Variants in MBNL1 observed in about 807,000 individuals in gnomAD.
MBNL1 encodes muscleblind-like protein 1.
A neutral mutation model predicts 42.2 loss-of-function variants in MBNL1; 8 were observed. The ratio of observed to expected loss-of-function variants is 0.19; its 90% CI spans 0.11 to 0.34. The LOEUF (loss-of-function observed/expected upper bound fraction) is 0.34. Among genes scored for constraint, MBNL1 ranks in the 10% least tolerant of loss-of-function variants. The probability of loss-of-function intolerance (pLI) is 1.00; values close to 1 mark genes in which losing one functional copy is unlikely to be tolerated. For synonymous variants in MBNL1, 169 were observed against 173.9 expected, an observed-to-expected ratio of 0.97 and a Z score of 0.22; for missense variants, 309 against 495.3, an observed-to-expected ratio of 0.62 and a Z score of 3.57.
intron 2 of MBNL1, among the ~76,000 whole-genome samples, chr3:152,362,368 A>G (rs1045125965): frequency 2.6e-5 from 4 of 152,220 alleles, no homozygotes; most frequent in African/African-American, 9.6e-5. Context: ...GTCAAAAGTC[A>G]TATGATGTAG....
At chr3:152,373,065 A>G (rs1259801966) in intron 2 of MBNL1, among the ~76,000 whole-genome samples, 1 of 152,120 alleles carries the variant, frequency 6.6e-6, no homozygotes, top group Non-Finnish European at 1.5e-5. Flanking sequence ...GGCTCTGCCC[A>G]ATTCGAACTT....
chr3:152,456,432 C>T (rs1373569100), intron 8 of MBNL1, 71 bp downstream of exon 8: 7 of 1,242,750 alleles, frequency 5.6e-6, no homozygotes, highest in East Asian at 2.3e-5. Context: ...CCCTTACGCA[C>T]GTGGATTTCC....
At chr3:152,294,214 GA>G (rs2057477359) in intron 1 of MBNL1, among the ~76,000 whole-genome samples, 1 of 151,380 alleles carries the variant, frequency 6.6e-6, no homozygotes, top group Non-Finnish European at 1.5e-5. Flanking sequence ...ATAGCGTTTG[GA>G]ATGTGATCAG....
At chr3:152,272,162 T>C (rs2042314977) in intron 1 of MBNL1, among the ~76,000 whole-genome samples, 1 of 152,056 alleles carries the variant, frequency 6.6e-6, no homozygotes, top group African/African-American at 2.4e-5. Context: ...AACAATATTC[T>C]GGGAGAAAGC....
intron 2 of MBNL1, among the ~76,000 whole-genome samples, chr3:152,379,568 C>T (rs1321518720): frequency 1.3e-5 from 2 of 152,106 alleles, no homozygotes; most frequent in East Asian, 3.8e-4. Context: ...TGTCACTACA[C>T]GTTCTTATAA....
rs549752228 is a variant in MBNL1, at chr3:152,450,522, G to A, written c.961+2749G>A. ...CAAGTGAAGCAAGAATAAATTGGGA[G>A]CTGTGGGGTCTGGGAGGCACAGGGG... On this transcript the variant is annotated intron_variant, in intron 6 of 9. Coordinates refer to ENST00000324210, the MANE Select transcript of MBNL1 (RefSeq NM_021038.5). 2.6e-5 allele frequency among the ~76,000 whole-genome samples: 4 copies of A among 152,320 alleles called. No individual in the cohort carries two copies. In the South Asian group the frequency reaches 8.3e-4, roughly 32 times the overall value.
In MBNL1 at chr3:152,258,069, A is replaced by G. The variant is rs532632405; in HGVS notation, n.333+13629A>G. 3.3e-5 allele frequency among the ~76,000 whole-genome samples: 5 copies of G among 152,308 alleles called. No individual in the cohort carries two copies. In the South Asian group the frequency reaches 1.0e-3, roughly 32 times the overall value. On this transcript the variant is annotated intron_variant and non_coding_transcript_variant, in intron 2 of 2. Coordinates refer to the MBNL1 transcript ENST00000477171. Reference sequence around the variant, plus strand: ...CATCCTACCTAATATAAAAACTGTAAAGGTATCTCTGTATACCTATACCAT... The same window carrying G: ...CATCCTACCTAATATAAAAACTGTAGAGGTATCTCTGTATACCTATACCAT...
chr3:152,349,189 A>G (rs2094633766), intron 2 of MBNL1, among the ~76,000 whole-genome samples: 1 of 152,092 alleles, frequency 6.6e-6, no homozygotes, highest in Non-Finnish European at 1.5e-5. Context: ...ATGTACAGGC[A>G]CACTGTACAT....
intron 2 of MBNL1, chr3:152,300,982 T>C: frequency 2.2e-6 from 2 of 909,004 alleles, no homozygotes; most frequent in Non-Finnish European, 2.6e-6. Context: ...ATGTGAGTTA[T>C]ATAAATAAGT....
chr3:152,300,668 G>A (rs2060358977), intron 2 of MBNL1, among the ~76,000 whole-genome samples: 1 of 152,098 alleles, frequency 6.6e-6, no homozygotes, highest in Non-Finnish European at 1.5e-5. Context: ...AATGGTAAAT[G>A]TAGCTACCTG....
chr3:152,357,637 A>G (rs1328817701), intron 2 of MBNL1, among the ~76,000 whole-genome samples: 3 of 152,084 alleles, frequency 2.0e-5, no homozygotes, highest in African/African-American at 7.2e-5. Flanking sequence ...AGCAGGAGAA[A>G]GGGTATGTAG....
At chr3:152,298,980 C>G (rs2059722252) in intron 1 of MBNL1, 1 of 152,482 alleles carries the variant, frequency 6.6e-6, no homozygotes, top group South Asian at 2.1e-4. Flanking sequence ...GTTTAGTCCA[C>G]TAACTGCATG....
At chr3:152,432,946 A>G in intron 4 of MBNL1, 26 bp downstream of exon 4, 2 of 1,570,596 alleles carry the variant, frequency 1.3e-6, no homozygotes, top group Non-Finnish European at 1.7e-6. Flanking sequence ...TGGTGTCTTT[A>G]TATACTACAT....
At chr3:152,306,375 A>G (rs942037128) in intron 2 of MBNL1, among the ~76,000 whole-genome samples, 3 of 152,186 alleles carry the variant, frequency 2.0e-5, no homozygotes, top group Non-Finnish European at 4.4e-5. Context: ...CTTAGTTCCT[A>G]AGGAGCACAT....
At chr3:152,459,559 T>G (rs943048600) in intron 9 of MBNL1, among the ~76,000 whole-genome samples, 2 of 152,216 alleles carry the variant, frequency 1.3e-5, no homozygotes, top group African/African-American at 4.8e-5. Context: ...AAAATAAATT[T>G]TTTAAATTTC....
At chr3:152,291,722 C>T (rs984799258) in intron 1 of MBNL1, among the ~76,000 whole-genome samples, 1 of 152,112 alleles carries the variant, frequency 6.6e-6, no homozygotes, top group Admixed American at 6.5e-5. Context: ...GCGAGATAAG[C>T]GTGTAATATT....
intron 2 of MBNL1, among the ~76,000 whole-genome samples, chr3:152,365,994 AC>A (rs2096340672): frequency 6.6e-6 from 1 of 152,086 alleles, no homozygotes; most frequent in African/African-American, 2.4e-5. Context: ...ATTTGCTACA[AC>A]CTAGGAGGAA....
At chr3:152,341,632 C>T (rs757698571) in intron 2 of MBNL1, among the ~76,000 whole-genome samples, 1 of 152,196 alleles carries the variant, frequency 6.6e-6, no homozygotes, top group African/African-American at 2.4e-5. Context: ...CTGTCCATAC[C>T]GGTAGGCAAT....
intron 6 of MBNL1, among the ~76,000 whole-genome samples, chr3:152,450,883 C>G (rs956329703): frequency 6.6e-6 from 1 of 152,166 alleles, no homozygotes; most frequent in African/African-American, 2.4e-5. Flanking sequence ...TAAAAACACC[C>G]TTTGAGAACT....
Sources: gnomAD v4.1 joint callset for allele counts (sites outside exome capture counted in the v4.1 genomes callset) on GRCh38, gnomAD v4.1.1 for gene constraint, MANE v1.5 for transcripts, NCBI Gene and HGNC (gene_info 2026-07-23, HGNC 2026-07-21) for gene names.